ARHGAP24: variants seen among roughly 807,000 people sequenced by gnomAD.
ARHGAP24 encodes Rho GTPase activating protein 24.
Under a neutral mutation model 76.4 loss-of-function variants are expected in ARHGAP24, and 50 were observed. The ratio of observed to expected loss-of-function variants is 0.65; its 90% CI spans 0.52 to 0.83. The LOEUF (loss-of-function observed/expected upper bound fraction) is 0.83, where lower values mean the gene tolerates loss of function less well. Ranked by LOEUF, ARHGAP24 falls within the 40% of genes least tolerant of loss-of-function variation. ARHGAP24 has a pLI of 0.00. For missense variants in ARHGAP24, 930 were observed against 914.2 expected (o/e 1.02, Z -0.22); for synonymous variants, 345 against 323.3 (o/e 1.07, Z -0.72).
intron 1 of ARHGAP24, among the ~76,000 whole-genome samples, chr4:85,538,886 C>A (rs1725573805): frequency 6.6e-6 from 1 of 152,086 alleles, no homozygotes; most frequent in Admixed American, 6.5e-5. Context: ...TGATAAAGGG[C>A]CAATATTGTA....
At chr4:85,845,732 T>G (rs572123412) in intron 3 of ARHGAP24, among the ~76,000 whole-genome samples, 2 of 152,256 alleles carry the variant, frequency 1.3e-5, no homozygotes, top group Middle Eastern at 6.8e-3. Context: ...CTCCCACCTA[T>G]GTTAATAGAG....
At chr4:85,704,895 TTTGA>T (rs756807160) in intron 2 of ARHGAP24, among the ~76,000 whole-genome samples, 1 of 152,106 alleles carries the variant, frequency 6.6e-6, no homozygotes, top group Non-Finnish European at 1.5e-5. Context: ...CATAAGGTAC[TTTGA>T]TTGACCAAGG....
At chr4:85,981,497 A>G (rs992354692) in intron 8 of ARHGAP24, among the ~76,000 whole-genome samples, 15 of 152,250 alleles carry the variant, frequency 9.9e-5, no homozygotes, top group Non-Finnish European at 5.9e-5. Context: ...AATTTTCCAA[A>G]TGACATGTTG....
intron 3 of ARHGAP24, among the ~76,000 whole-genome samples, chr4:85,853,949 C>CAAAAACA (rs1308554114): frequency 7.5e-6 from 1 of 133,538 alleles, no homozygotes; most frequent in African/African-American, 2.8e-5. Context: ...CAGAATCGGT[C>CAAAAACA]AAAAACAAAA....
At chr4:85,919,389 C>A (rs1735593801) in intron 3 of ARHGAP24, among the ~76,000 whole-genome samples, 1 of 152,160 alleles carries the variant, frequency 6.6e-6, no homozygotes, top group Admixed American at 6.6e-5. Flanking sequence ...TAGAAATCAC[C>A]TATTTTTAGT....
intron 3 of ARHGAP24, among the ~76,000 whole-genome samples, chr4:85,893,692 A>G (rs1225029488): frequency 1.5e-5 from 2 of 136,598 alleles, no homozygotes; most frequent in African/African-American, 5.6e-5. Context: ...ATTGGCCCCC[A>G]CTCTCTTCTG....
At chr4:85,653,528 C>T (rs7673815) in intron 2 of ARHGAP24, among the ~76,000 whole-genome samples, 3,681 of 152,204 alleles carry the variant, frequency 0.024, 148 homozygotes, top group African/African-American at 0.084. Context: ...GGCTGGAGTG[C>T]AGTGTAGCGA....
intron 3 of ARHGAP24, among the ~76,000 whole-genome samples, chr4:85,786,971 C>A (rs1246045273): frequency 1.3e-5 from 2 of 152,172 alleles, no homozygotes; most frequent in African/African-American, 4.8e-5. Flanking sequence ...TCTTACTAAC[C>A]AGTCCATTCA....
At chr4:85,686,740 C>T (rs966432971) in intron 2 of ARHGAP24, 2 of 151,506 alleles carry the variant, frequency 1.3e-5, no homozygotes, top group Admixed American at 1.3e-4. Flanking sequence ...AATATGAACA[C>T]ATTTATTCCT....
rs1727098676 is a variant in ARHGAP24, at chr4:85,570,556, T to C, written c.15T>C (p.Asn5=). Residue 5 remains asparagine, a synonymous_variant, in exon 2 of 10, where the codon AAT becomes AAC. Transcript: ENST00000395184. Reference sequence around the variant, plus strand: ...TCAGCTTGATAATGGAGGAGAACAATGACTCCACGGAGAACCCCCAACAAG... The same window carrying C: ...TCAGCTTGATAATGGAGGAGAACAACGACTCCACGGAGAACCCCCAACAAG... MEEN[N]DSTENPQQGQ... 1.2e-6 allele frequency: 2 copies of C among 1,613,834 alleles called. No individual in the cohort carries two copies.
chr4:85,561,825 C>T (rs565023063), intron 1 of ARHGAP24, among the ~76,000 whole-genome samples: 1 of 152,208 alleles, frequency 6.6e-6, no homozygotes, highest in East Asian at 1.9e-4. Flanking sequence ...TCAAGGTGCT[C>T]ATGTGCCAAA....
At chr4:85,856,782 A>C (rs72980816) in intron 3 of ARHGAP24, among the ~76,000 whole-genome samples, 12,580 of 152,096 alleles carry the variant, frequency 0.083, 761 homozygotes, top group African/African-American at 0.15. Flanking sequence ...AAATTACTTA[A>C]AATAAGAAGT....
chr4:85,563,311 G>T (rs1726672609), intron 1 of ARHGAP24, among the ~76,000 whole-genome samples: 1 of 152,174 alleles, frequency 6.6e-6, no homozygotes, highest in South Asian at 2.1e-4. Flanking sequence ...AACAACAGAA[G>T]TTCATTTCTG....
rs531785968 is a variant in ARHGAP24 at position 85,571,122 on chromosome 4, A to C, written c.180+401A>C. On this transcript the variant is annotated intron_variant, in intron 2 of 9. Coordinates refer to ENST00000395184, the MANE Select transcript of ARHGAP24 (RefSeq NM_001025616.3). The stretch of plus-strand genomic sequence containing the variant: ...TAGGCACAACTTTCAGTAATTTATG[A>C]GACATTTTCAGTATCAATTCTCAGA... 2.7e-4 allele frequency among the ~76,000 whole-genome samples: 41 copies of C among 152,324 alleles called. 1 individual carries two copies. The South Asian group carries it at 7.1e-3, about 26-fold the overall frequency.
chr4:85,686,370 T>C (rs1466722396), intron 2 of ARHGAP24, among the ~76,000 whole-genome samples: 1 of 152,226 alleles, frequency 6.6e-6, no homozygotes, highest in African/African-American at 2.4e-5. Flanking sequence ...ATTTCCTTTA[T>C]ATACTTAGTG....
chr4:85,676,078 A>G (rs1722969751), intron 2 of ARHGAP24, among the ~76,000 whole-genome samples: 1 of 152,186 alleles, frequency 6.6e-6, no homozygotes, highest in South Asian at 2.1e-4. Flanking sequence ...GATAAAATTG[A>G]TGGTAAGTTT....
At chr4:85,721,837 ATGTT>A (rs761050625) in intron 2 of ARHGAP24, 44 bp from the exon 3 acceptor site, 1 of 1,466,218 alleles carries the variant, frequency 6.8e-7, no homozygotes, top group East Asian at 2.3e-5. Flanking sequence ...ATGATATATG[ATGTT>A]TGCTCTCTGA....
At chr4:85,710,473 A>T (rs1254839431) in intron 2 of ARHGAP24, among the ~76,000 whole-genome samples, 1 of 152,208 alleles carries the variant, frequency 6.6e-6, no homozygotes, top group African/African-American at 2.4e-5. Flanking sequence ...AATGGGATCT[A>T]ATTAAACTAA....
At chr4:86,000,444 T>TGGGGGG in intron 9 of ARHGAP24, 35 bp from the exon 10 acceptor site, 3 of 616,720 alleles carry the variant, frequency 4.9e-6, no homozygotes, top group African/African-American at 1.9e-5. Context: ...TACTCTTGCG[T>TGGGGGG]CCCCACCCCC....
Sources: gnomAD v4.1 joint callset for allele counts (sites outside exome capture counted in the v4.1 genomes callset) on GRCh38, gnomAD v4.1.1 for gene constraint, MANE v1.5 for transcripts, NCBI Gene and HGNC (gene_info 2026-07-23, HGNC 2026-07-21) for gene names.